Variants in DNAJC7 observed in about 807,000 individuals in gnomAD.
DNAJC7 encodes the protein DnaJ heat shock protein family (Hsp40) member C7, also known as dnaJ homolog subfamily C member 7.
A neutral mutation model predicts 67.4 loss-of-function variants in DNAJC7; 18 were observed. The ratio of observed to expected loss-of-function variants is 0.27; its 90% confidence interval spans 0.18 to 0.40. The LOEUF is 0.40. DNAJC7 is among the 10% of genes least tolerant of loss of function. The pLI is 1.00. For synonymous variants in DNAJC7, 220 were observed against 207.8 expected (o/e 1.06, Z -0.50); for missense variants, 419 against 613.8 (o/e 0.68, Z 3.35).
At chr17:42,000,738 G>A (rs1381682473) in intron 1 of DNAJC7, among the ~76,000 whole-genome samples, 168 bp from the exon 2 acceptor site, 3 of 152,166 alleles carry the variant, frequency 2.0e-5, no homozygotes, top group African/African-American at 4.8e-5. Flanking sequence ...CCAAAAGGAG[G>A]TGCTAATGAA....
rs1282761219 is a variant in DNAJC7, at chr17:41,990,275, C to G, written c.588G>C (p.Gln196His). 1.9e-6 allele frequency: 3 copies of G among 1,608,984 alleles called. No homozygotes were observed. The African/African-American group carries it at 4.0e-5, about 21-fold the overall frequency. Residue 196 changes from glutamine to histidine, a missense_variant, in exon 6 of 14, where the codon CAG (glutamine) becomes CAC (histidine). Gln to His is a conservative substitution (Grantham distance 24). Coordinates refer to ENST00000457167, the MANE Select transcript of DNAJC7 (RefSeq NM_003315.4). ...LAMLGRYPEA[Q>H]SVASDILRMD... ...GCCTGACTGCATACCTAGCCACAGA[C>G]TGTGCTTCTGGATAACGACCCAGCA...
chr17:42,017,001 G>T (rs1249668473), intron 1 of DNAJC7: 1 of 1,285,638 alleles, frequency 7.8e-7, no homozygotes, highest in Non-Finnish European at 9.9e-7. Context: ...CGGGGGCGAT[G>T]TAAGGAAGTC....
At chr17:41,998,992 C>G (rs1373802345) in intron 2 of DNAJC7, among the ~76,000 whole-genome samples, 2 of 151,754 alleles carry the variant, frequency 1.3e-5, no homozygotes, top group East Asian at 1.9e-4. Flanking sequence ...TTGAGACCAG[C>G]CGGGGCAACA....
At chr17:41,996,458 T>C (rs539044246) in intron 3 of DNAJC7, 34 bp from the exon 4 acceptor site, 83 of 1,589,742 alleles carry the variant, frequency 5.2e-5, no homozygotes, top group Non-Finnish European at 6.8e-5. Context: ...AAAAGAAGCA[T>C]GATTGGCCAA....
chr17:41,978,513 C>T (rs937165052), intron 12 of DNAJC7, among the ~76,000 whole-genome samples: 2 of 152,156 alleles, frequency 1.3e-5, no homozygotes, highest in Admixed American at 6.6e-5. Flanking sequence ...AACCTCCTCA[C>T]CCCTATCACA....
At chr17:41,994,174 A>G (rs1381304747) in intron 5 of DNAJC7, among the ~76,000 whole-genome samples, 1 of 151,772 alleles carries the variant, frequency 6.6e-6, no homozygotes, top group Admixed American at 6.6e-5. Context: ...CATCTCTACT[A>G]AAAATACAAA....
chr17:42,002,582 G>C (rs2051837939), intron 1 of DNAJC7, among the ~76,000 whole-genome samples: 1 of 152,156 alleles, frequency 6.6e-6, no homozygotes, highest in Admixed American at 6.6e-5. Flanking sequence ...ACACAGTCCG[G>C]TGAACTTCAT....
intron 1 of DNAJC7, among the ~76,000 whole-genome samples, chr17:42,001,803 C>T (rs1164242430): frequency 1.3e-5 from 2 of 152,122 alleles, no homozygotes; most frequent in African/African-American, 2.4e-5. Context: ...GGTAAAGTCG[C>T]CCTCCTTTTA....
chr17:41,976,800 G>C, intron 13 of DNAJC7, 30 bp from the exon 14 acceptor site: 1 of 1,601,454 alleles, frequency 6.2e-7, no homozygotes, highest in South Asian at 1.1e-5. Flanking sequence ...TTGGTAGTTG[G>C]CTATGGATTT....
intron 6 of DNAJC7, 21 bp downstream of exon 6, chr17:41,990,243 C>T: frequency 1.3e-6 from 2 of 1,584,340 alleles, no homozygotes; most frequent in East Asian, 2.3e-5. Context: ...ATTTTAATGT[C>T]CAGCTAGCCT....
At chr17:42,017,172 C>T in intron 1 of DNAJC7, 168 bp downstream of exon 1, 1 of 1,527,900 alleles carries the variant, frequency 6.5e-7, no homozygotes, top group Non-Finnish European at 8.7e-7. Flanking sequence ...GGCCGACCCC[C>T]AAGAGCGCCC....
At chr17:42,002,144 A>G (rs2051824108) in intron 1 of DNAJC7, among the ~76,000 whole-genome samples, 1 of 152,268 alleles carries the variant, frequency 6.6e-6, no homozygotes, top group Admixed American at 6.5e-5. Context: ...CTATCCTTTA[A>G]GAGCAGACAT....
chr17:41,988,640 C>G (rs1332025875), intron 8 of DNAJC7, 92 bp downstream of exon 8: 11 of 1,399,014 alleles, frequency 7.9e-6, no homozygotes, highest in South Asian at 1.6e-5. Context: ...CCTCTTTCAT[C>G]TTGCTTACCC....
At chr17:41,986,340 T>C (rs1352596909) in intron 9 of DNAJC7, among the ~76,000 whole-genome samples, 2 of 152,006 alleles carry the variant, frequency 1.3e-5, no homozygotes, top group Non-Finnish European at 2.9e-5. Context: ...CACTCCAGCC[T>C]GAGCGACATA....
At chr17:41,984,077 C>T (rs1598119940) in intron 9 of DNAJC7, among the ~76,000 whole-genome samples, 1 of 152,142 alleles carries the variant, frequency 6.6e-6, no homozygotes, top group Non-Finnish European at 1.5e-5. Context: ...TAGCTACAAT[C>T]CAGAATAGAG....
chr17:42,010,267 T>C (rs2052081417), intron 1 of DNAJC7, among the ~76,000 whole-genome samples: 1 of 149,572 alleles, frequency 6.7e-6, no homozygotes, highest in Non-Finnish European at 1.5e-5. Context: ...GTGGATCACC[T>C]GAGGTCGGGA....
Position 41,997,142 on chromosome 17 carries a change from T to C in DNAJC7, c.264A>G (p.Ser88=), listed in dbSNP as rs2051683387. 2 of 1,614,012 alleles carry C rather than the reference T, an allele frequency of 1.2e-6. No individual in the cohort carries two copies. The highest frequency in any genetic ancestry group is 2.7e-5 in the African/African-American group (2 of 75,060). The change falls in exon 3 of 14, where the codon TCA becomes TCG. Residue 88 remains serine, a synonymous_variant. Transcript: ENST00000457167. The part of the protein sequence containing the change: ...FREALGDAQQ[S]VRLDDSFVRG... ...GGACAAAACTGTCATCCAACCTCACTGACTGTTGTGCATCTCCAAGAGCTT... is the reference window on the plus strand; with the variant it reads ...GGACAAAACTGTCATCCAACCTCACCGACTGTTGTGCATCTCCAAGAGCTT...
In DNAJC7 at chr17:41,981,847, C is replaced by T. The variant is rs2051259674; in HGVS notation, c.1384+8G>A. The stretch of plus-strand genomic sequence containing the variant: ...CAAATTCATCCCAGGCTGCCCCAGC[C>T]AACTCACCACCCATATTCATGCCCT... On this transcript the variant is annotated splice_region_variant and intron_variant, in intron 12 of 13. Coordinates refer to ENST00000457167, the MANE Select transcript of DNAJC7 (RefSeq NM_003315.4). 14 of 1,610,472 alleles carry T rather than the reference C, an allele frequency of 8.7e-6. No individual in the cohort carries two copies. Among genetic ancestry groups the T allele is most frequent in the Non-Finnish European group, 1.2e-5 (14 of 1,178,726 alleles).
chr17:41,985,725 G>A (rs1441247251), intron 9 of DNAJC7: 5 of 152,166 alleles, frequency 3.3e-5, no homozygotes, highest in African/African-American at 1.2e-4. Context: ...GTAAGTTGAG[G>A]CAGACTGCAG....
Sources: allele counts gnomAD v4.1 joint callset (sites outside exome capture counted in the v4.1 genomes callset), GRCh38; gene constraint gnomAD v4.1.1; transcripts MANE v1.5; gene names NCBI Gene and HGNC (gene_info 2026-07-23, HGNC 2026-07-21).